TMEM234: variants seen among roughly 807,000 people sequenced by gnomAD.
TMEM234 encodes transmembrane protein 234.
In TMEM234, 21 loss-of-function variants were observed where a neutral mutation model predicts 17.8. The observed-to-expected ratio is 1.18, with a 90% confidence interval of 0.84 to 1.70. The LOEUF (loss-of-function observed/expected upper bound fraction) is 1.70. Ranked by LOEUF, TMEM234 falls within the 40% of genes most tolerant of loss-of-function variation. The pLI is 0.00. For synonymous variants in TMEM234, 83 were observed against 73.5 expected (o/e 1.13, Z -0.66); for missense variants, 137 against 166.9 (o/e 0.82, Z 0.99).
At position 32,216,763 on chromosome 1, in the gene TMEM234, G is replaced by T; in HGVS notation, c.*90C>A. ...AGAGGAGGAAGCTAAGGCCAGAGAGGGGAAGTGCTAGGTCCATCCGCTCAC... is the reference window on the plus strand; with the variant it reads ...AGAGGAGGAAGCTAAGGCCAGAGAGTGGAAGTGCTAGGTCCATCCGCTCAC... On this transcript the variant is annotated 3_prime_UTR_variant, in exon 5 of 5. Transcript: ENST00000309777. 1.3e-6 allele frequency: 2 copies of T among 1,552,956 alleles called. No individual in the cohort carries two copies. Among genetic ancestry groups the T allele is most frequent in the East Asian group, 2.3e-5 (1 of 42,800 alleles).
At chr1:32,220,027 A>G (rs940976526) in intron 3 of TMEM234, among the ~76,000 whole-genome samples, 2 of 152,212 alleles carry the variant, frequency 1.3e-5, no homozygotes, top group Admixed American at 6.5e-5. Flanking sequence ...AGAAAGGGTA[A>G]TGAGATAAAA....
chr1:32,214,660 CG>C, downstream of TMEM234: 1 of 1,273,692 alleles, frequency 7.9e-7, no homozygotes, highest in Non-Finnish European at 1.1e-6. Flanking sequence ...GGAGGGAGGA[CG>C]TACTTTGTGA....
At chr1:32,216,014 G>T, downstream of TMEM234, 1 of 898,614 alleles carries the variant, frequency 1.1e-6, no homozygotes, top group Non-Finnish European at 1.7e-6. Context: ...AGGGTACACT[G>T]CGGCCTCCTC....
intron 2 of TMEM234, among the ~76,000 whole-genome samples, chr1:32,221,516 C>G (rs956347870): frequency 6.6e-6 from 1 of 152,150 alleles, no homozygotes; most frequent in African/African-American, 2.4e-5. Context: ...CCCTGCAGGG[C>G]CAATTTGAGC....
In TMEM234 at chr1:32,217,242, G is replaced by T. The variant is rs200770426; in HGVS notation, c.328+17C>A. On this transcript the variant is annotated intron_variant, in intron 4 of 4. Transcript: ENST00000309777. ...ATCCACAGAGCTGCGTCCCGCACTC[G>T]CAGTAGTCTAACTTACGTTTTCCAC... is the stretch of plus-strand genomic sequence containing the variant. 3 of 1,614,100 alleles carry T rather than the reference G, an allele frequency of 1.9e-6. No homozygotes were observed. In the East Asian group the frequency reaches 6.7e-5, roughly 36 times the overall value.
intron 4 of TMEM234, 122 bp downstream of exon 4, chr1:32,217,137 G>A: frequency 6.3e-7 from 1 of 1,587,566 alleles, no homozygotes; most frequent in Non-Finnish European, 8.6e-7. Context: ...GCAGAGGAAA[G>A]GGCAGGATGG....
Position 32,222,297 on chromosome 1 carries a change from G to A in TMEM234, c.16+10C>T, listed in dbSNP as rs757371435. ...GGGAAATCCATGGAAGGGCGGGGCC[G>A]GCTACCTACCCAGAGACGCCGCCAT... On this transcript the variant is annotated intron_variant, in intron 1 of 4. Transcript: ENST00000309777. The A allele has an allele frequency of 2.6e-6, 4 of 1,551,262 alleles. No homozygotes were observed. Among genetic ancestry groups the A allele is most frequent in the Admixed American group, 4.0e-5 (2 of 49,654 alleles).
rs770969621 is a variant in TMEM234, at chr1:32,217,501, C to T, written c.236-150G>A. ...TCACAGCAAATCTCAGGACTCAAAC[C>T]CACATCTCCTGACTCCACGTTCAGT... On this transcript the variant is annotated intron_variant, in intron 3 of 4. Transcript: ENST00000309777. 2.6e-6 allele frequency: 4 copies of T among 1,513,434 alleles called. No homozygotes were observed. The South Asian group carries it at 4.8e-5, about 18-fold the overall frequency. The allele number at this position is 1,513,434 out of a possible 1,614,324, so 93.8% of individuals were successfully genotyped here.
downstream of TMEM234, chr1:32,215,067 AG>A (rs1262842556): frequency 2.2e-5 from 28 of 1,269,484 alleles, no homozygotes; most frequent in Non-Finnish European, 2.9e-5. Flanking sequence ...AAAAAAAAAA[AG>A]ATAAAGGAGT....
chr1:32,222,260 G>C (rs1639000500), intron 1 of TMEM234, 47 bp downstream of exon 1: 1 of 1,529,346 alleles, frequency 6.5e-7, no homozygotes, highest in Non-Finnish European at 8.8e-7. Context: ...AAATGAATTC[G>C]AGGCGAGGGT....
chr1:32,216,012 C>A, downstream of TMEM234: 5 of 896,392 alleles, frequency 5.6e-6, no homozygotes, highest in African/African-American at 3.4e-5. Context: ...ACAGGGTACA[C>A]TGCGGCCTCC....
intron 1 of TMEM234, 79 bp downstream of exon 1, chr1:32,222,228 T>G: frequency 1.3e-6 from 2 of 1,522,618 alleles, no homozygotes; most frequent in Non-Finnish European, 1.8e-6. Flanking sequence ...GGGTCGGGGT[T>G]AGAGGGTGGA....
Position 32,222,005 on chromosome 1 carries a change from A to G in TMEM234, c.30T>C (p.Ala10=), listed in dbSNP as rs1277339737. ...CCCACAGAGCGGCCACCAGCACCAG[A>G]GCCAACACCTGCCCTGAATGCAGAC... The part of the protein sequence containing the change: MAASLGQVL[A]LVLVAALWGG... The change falls in exon 2 of 5, where the codon GCT becomes GCC. Residue 10 remains alanine, a synonymous_variant. Coordinates refer to ENST00000309777, the MANE Select transcript of TMEM234 (RefSeq NM_019118.5). 1.2e-6 allele frequency: 2 copies of G among 1,611,598 alleles called. No homozygotes were observed. Among genetic ancestry groups the G allele is most frequent in the Admixed American group, 1.7e-5 (1 of 59,894 alleles).
At chr1:32,214,948 G>A, downstream of TMEM234, 4 of 1,613,722 alleles carry the variant, frequency 2.5e-6, no homozygotes, top group South Asian at 1.1e-5. Flanking sequence ...GGGTCCCTGG[G>A]GCTCAGGCCC....
At chr1:32,215,239 C>G, downstream of TMEM234, 1 of 596,304 alleles carries the variant, frequency 1.7e-6, no homozygotes, top group South Asian at 2.3e-5. Context: ...GTGCTTAAAG[C>G]GATAAGACTT....
Position 32,216,695 on chromosome 1 carries a change from G to T in TMEM234, c.*158C>A, listed in dbSNP as rs1157340377. ...AAGGTTACAAAACTCTTTCACTCTT[G>T]TTCTCTTATTGTGATCCATGAGGTA... On this transcript the variant is annotated 3_prime_UTR_variant, in exon 5 of 5. Coordinates refer to ENST00000309777, the MANE Select transcript of TMEM234 (RefSeq NM_019118.5). The T allele has an allele frequency of 6.7e-7, 1 of 1,494,358 alleles. No homozygotes were observed. Among genetic ancestry groups the T allele is most frequent in the Non-Finnish European group, 8.9e-7 (1 of 1,117,588 alleles). 92.6% of individuals were successfully genotyped at this position (1,494,358 alleles called of 1,614,324 possible).
At chr1:32,216,984 C>T (rs1271569305) in intron 4 of TMEM234, 37 bp from the exon 5 acceptor site, 2 of 1,613,656 alleles carry the variant, frequency 1.2e-6, no homozygotes, top group Non-Finnish European at 8.5e-7. Flanking sequence ...GGTCTGAGCT[C>T]AGCCATGCCA....
intron 3 of TMEM234, among the ~76,000 whole-genome samples, chr1:32,219,512 C>A (rs1638702446): frequency 2.0e-5 from 3 of 152,200 alleles, no homozygotes; most frequent in Non-Finnish European, 2.9e-5. Context: ...CCCACCTCAG[C>A]CTCCTGAGCA....
chr1:32,219,093 CAA>C (rs1372132861), intron 3 of TMEM234, among the ~76,000 whole-genome samples: 4 of 129,964 alleles, frequency 3.1e-5, no homozygotes, highest in Non-Finnish European at 4.7e-5. Flanking sequence ...GCTTGGGCAA[CAA>C]GAGCGAAATG....
Sources: allele counts gnomAD v4.1 joint callset (sites outside exome capture counted in the v4.1 genomes callset), GRCh38; gene constraint gnomAD v4.1.1; transcripts MANE v1.5; gene names NCBI Gene and HGNC (gene_info 2026-07-23, HGNC 2026-07-21).